ENTREP2: variants seen among roughly 807,000 people sequenced by gnomAD.
ENTREP2 encodes the protein endosomal transmembrane epsin interactor 2.
the ENTREP2 span, among the ~76,000 whole-genome samples, chr15:29,652,752 C>T: frequency 6.6e-6 from 1 of 152,242 alleles, no homozygotes; most frequent in Admixed American, 6.5e-5. Context: ...ACTTCAGGAG[C>T]CGGCCCACTT....
the ENTREP2 span, among the ~76,000 whole-genome samples, chr15:29,649,814 T>A: frequency 6.6e-6 from 1 of 151,638 alleles, no homozygotes; most frequent in African/African-American, 2.4e-5. Flanking sequence ...GTTCTGTCAA[T>A]TTCAGTGGTC....
At chr15:29,284,825 G>A in the ENTREP2 span, among the ~76,000 whole-genome samples, 2 of 152,300 alleles carry the variant, frequency 1.3e-5, no homozygotes, top group Admixed American at 1.3e-4. Flanking sequence ...AGAAGACAGA[G>A]TGCAGTGATC....
chr15:29,370,328 G>C, the ENTREP2 span, among the ~76,000 whole-genome samples: 1 of 152,070 alleles, frequency 6.6e-6, no homozygotes, highest in African/African-American at 2.4e-5. Flanking sequence ...AACTATCCTA[G>C]TATTAGACAA....
the ENTREP2 span, among the ~76,000 whole-genome samples, chr15:29,588,096 A>C: frequency 6.6e-6 from 1 of 152,224 alleles, no homozygotes; most frequent in African/African-American, 2.4e-5. Context: ...GAAAAAAGAC[A>C]TGAACTGAAA....
chr15:29,465,864 C>A, the ENTREP2 span, among the ~76,000 whole-genome samples: 1 of 152,190 alleles, frequency 6.6e-6, no homozygotes, highest in Non-Finnish European at 1.5e-5. Context: ...TCAGGGTATA[C>A]CTAACAATGT....
At chr15:29,207,605 C>G in the ENTREP2 span, among the ~76,000 whole-genome samples, 2 of 152,194 alleles carry the variant, frequency 1.3e-5, no homozygotes, top group South Asian at 4.1e-4. Flanking sequence ...CTGATTAGTG[C>G]ATTTTACAGA....
At chr15:29,350,131 A>C in the ENTREP2 span, among the ~76,000 whole-genome samples, 1 of 152,124 alleles carries the variant, frequency 6.6e-6, no homozygotes, top group African/African-American at 2.4e-5. Context: ...ATCTGCCTAC[A>C]AAACTATCTA....
chr15:29,177,067 G>C, the ENTREP2 span, among the ~76,000 whole-genome samples: 1 of 152,170 alleles, frequency 6.6e-6, no homozygotes. Context: ...AGGAAGAGTT[G>C]GAGGGACGCC....
At chr15:29,133,317 G>A in the ENTREP2 span, among the ~76,000 whole-genome samples, 1 of 152,142 alleles carries the variant, frequency 6.6e-6, no homozygotes, top group East Asian at 1.9e-4. Flanking sequence ...GCAGCAGCAG[G>A]GCTGAGGCTT....
At chr15:29,158,798 T>C in the ENTREP2 span, among the ~76,000 whole-genome samples, 2 of 152,062 alleles carry the variant, frequency 1.3e-5, no homozygotes, top group East Asian at 3.8e-4. Flanking sequence ...CTTTTTGATG[T>C]TATTAATGTT....
chr15:29,667,862 A>T, the ENTREP2 span, among the ~76,000 whole-genome samples: 2 of 152,146 alleles, frequency 1.3e-5, no homozygotes, highest in Non-Finnish European at 2.9e-5. Flanking sequence ...CTATAGATGT[A>T]GAGTCGCTAT....
the ENTREP2 span, among the ~76,000 whole-genome samples, chr15:29,477,723 C>T: frequency 1.3e-5 from 2 of 152,088 alleles, no homozygotes; most frequent in South Asian, 2.1e-4. Context: ...GATCTCTATA[C>T]AGACCATGCC....
chr15:29,648,535 C>T, the ENTREP2 span, among the ~76,000 whole-genome samples: 1 of 152,162 alleles, frequency 6.6e-6, no homozygotes, highest in African/African-American at 2.4e-5. Flanking sequence ...AACATGAAGT[C>T]GAGTATTTCC....
At chr15:29,604,412 G>T in the ENTREP2 span, among the ~76,000 whole-genome samples, 1 of 152,130 alleles carries the variant, frequency 6.6e-6, no homozygotes, top group Non-Finnish European at 1.5e-5. Context: ...CAGAAAAAAA[G>T]AATTTGTATG....
At chr15:29,153,478 G>A in the ENTREP2 span, among the ~76,000 whole-genome samples, 23,883 of 152,066 alleles carry the variant, frequency 0.16, 3,607 homozygotes, top group African/African-American at 0.39. Context: ...GGAGCTCTCT[G>A]GTGCCTCTTT....
At chr15:29,407,132 C>A in the ENTREP2 span, among the ~76,000 whole-genome samples, 1 of 152,180 alleles carries the variant, frequency 6.6e-6, no homozygotes, top group African/African-American at 2.4e-5. Flanking sequence ...TTACACAAAC[C>A]TAGATGGCGA....
the ENTREP2 span, among the ~76,000 whole-genome samples, chr15:29,566,142 A>G: frequency 6.6e-6 from 1 of 151,588 alleles, no homozygotes; most frequent in Admixed American, 6.6e-5. Flanking sequence ...ATGTGTGTGT[A>G]TATATATTTT....
the ENTREP2 span, among the ~76,000 whole-genome samples, chr15:29,673,081 C>T: frequency 9.8e-3 from 1,485 of 152,162 alleles, 13 homozygotes; most frequent in African/African-American, 0.034. Flanking sequence ...AACTTCTGGA[C>T]GTTGCCATGG....
chr15:29,629,653 TATA>T, the ENTREP2 span, among the ~76,000 whole-genome samples: 914 of 152,348 alleles, frequency 6.0e-3, 8 homozygotes, highest in African/African-American at 0.021. Context: ...CAGATGGCAT[TATA>T]ATGTTTGTTT....
Sources: gnomAD v4.1 joint callset for allele counts (sites outside exome capture counted in the v4.1 genomes callset) on GRCh38, gnomAD v4.1.1 for gene constraint, MANE v1.5 for transcripts, NCBI Gene and HGNC (gene_info 2026-07-23, HGNC 2026-07-21) for gene names.